LRRC4C: variants seen among roughly 807,000 people sequenced by gnomAD.
LRRC4C encodes leucine-rich repeat-containing protein 4C.
LRRC4C carries 5 observed loss-of-function variants against 33.6 expected under a neutral mutation model. That is an observed-to-expected ratio of 0.15 (90% CI 0.08 to 0.31). The LOEUF (loss-of-function observed/expected upper bound fraction) is 0.31, where lower values mean the gene tolerates loss of function less well. LRRC4C is among the 10% of genes least tolerant of loss of function. The pLI is 1.00. For missense variants in LRRC4C, 560 were observed against 796.7 expected (o/e 0.70, Z 3.58); for synonymous variants, 329 against 302.0 (o/e 1.09, Z -0.93).
intron 1 of LRRC4C, among the ~76,000 whole-genome samples, chr11:41,148,125 CCTGCCT>C (rs1281881988): frequency 3.3e-5 from 5 of 152,084 alleles, no homozygotes; most frequent in African/African-American, 1.2e-4. Context: ...TCCAAACAAT[CCTGCCT>C]CAGCCTCCCA....
At chr11:41,373,140 T>C (rs1952814142) in intron 1 of LRRC4C, among the ~76,000 whole-genome samples, 1 of 152,144 alleles carries the variant, frequency 6.6e-6, no homozygotes, top group Non-Finnish European at 1.5e-5. Context: ...TAGAGTCTAT[T>C]TAGGTCATAA....
intron 1 of LRRC4C, among the ~76,000 whole-genome samples, chr11:41,304,562 G>A (rs1950411793): frequency 8.8e-6 from 1 of 113,604 alleles, no homozygotes; most frequent in Admixed American, 8.3e-5. Flanking sequence ...CGCCCCGTCT[G>A]GGAGGGAGGT....
At chr11:40,850,796 G>A (rs1227804377) in intron 2 of LRRC4C, among the ~76,000 whole-genome samples, 1 of 152,220 alleles carries the variant, frequency 6.6e-6, no homozygotes, top group Non-Finnish European at 1.5e-5. Context: ...CCCTGACTGA[G>A]GCTACTGCCT....
At chr11:41,034,475 GTA>G (rs544312548) in intron 1 of LRRC4C, among the ~76,000 whole-genome samples, 15 of 142,158 alleles carry the variant, frequency 1.1e-4, no homozygotes, top group South Asian at 8.8e-4. Flanking sequence ...ATATATGTGT[GTA>G]TATATATATA....
chr11:41,222,443 C>T (rs1382079916), intron 1 of LRRC4C, among the ~76,000 whole-genome samples: 1 of 152,148 alleles, frequency 6.6e-6, no homozygotes, highest in Admixed American at 6.5e-5. Context: ...TCAAGTCAGA[C>T]ATCTGATAGG....
intron 1 of LRRC4C, among the ~76,000 whole-genome samples, chr11:41,024,292 G>A (rs536675770): frequency 6.6e-6 from 1 of 151,810 alleles, no homozygotes; most frequent in Admixed American, 6.6e-5. Flanking sequence ...CTCAACTCAA[G>A]AAGAATAACC....
chr11:40,725,809 G>T (rs1413610825), intron 2 of LRRC4C, among the ~76,000 whole-genome samples: 2 of 152,096 alleles, frequency 1.3e-5, no homozygotes, highest in East Asian at 1.9e-4. Flanking sequence ...CCTAGCATCA[G>T]CATCTCTTTC....
At chr11:41,302,998 T>C (rs1473109634) in intron 1 of LRRC4C, among the ~76,000 whole-genome samples, 3 of 152,188 alleles carry the variant, frequency 2.0e-5, no homozygotes, top group Non-Finnish European at 2.9e-5. Flanking sequence ...GCAATACTGG[T>C]CCTGTCTTTA....
chr11:40,257,792 C>G (rs768574857), intron 4 of LRRC4C, among the ~76,000 whole-genome samples: 1 of 152,128 alleles, frequency 6.6e-6, no homozygotes, highest in Non-Finnish European at 1.5e-5. Context: ...AGGCTACATA[C>G]AAGCTGAGAA....
At chr11:40,186,476 G>T (rs1027895628) in intron 5 of LRRC4C, among the ~76,000 whole-genome samples, 2 of 152,152 alleles carry the variant, frequency 1.3e-5, no homozygotes, top group East Asian at 3.9e-4. Context: ...ATTGGATATT[G>T]TTGGGGCTGT....
In LRRC4C at chr11:40,402,682, T is replaced by A. The variant is rs191510912; in HGVS notation, c.-269-82961A>T. Among the ~76,000 whole-genome samples, 6 of 152,200 alleles carry A rather than the reference T, an allele frequency of 3.9e-5. No individual in the cohort carries two copies. In the East Asian group the frequency reaches 7.7e-4, roughly 20 times the overall value. ...ATCAATTCAAGACCATTCCAATAAG[T>A]CAGAGAGCTAATGTACATTGAAGGG... On this transcript the variant is annotated intron_variant, in intron 3 of 6. Coordinates refer to ENST00000528697, the MANE Select transcript of LRRC4C (RefSeq NM_001258419.2).
At chr11:40,269,089 T>C (rs1942496499) in intron 4 of LRRC4C, among the ~76,000 whole-genome samples, 1 of 152,208 alleles carries the variant, frequency 6.6e-6, no homozygotes, top group Admixed American at 6.5e-5. Context: ...TTATTTTGAA[T>C]GTATTTAAAA....
At chr11:41,375,826 G>A (rs1405880528) in intron 1 of LRRC4C, among the ~76,000 whole-genome samples, 3 of 151,912 alleles carry the variant, frequency 2.0e-5, no homozygotes. Context: ...CACATCCTAG[G>A]CAGAGAATAA....
intron 2 of LRRC4C, among the ~76,000 whole-genome samples, chr11:40,723,401 A>G (rs957639754): frequency 2.0e-5 from 3 of 152,174 alleles, no homozygotes; most frequent in African/African-American, 7.2e-5. Flanking sequence ...TCAGGCTAAC[A>G]GCAGATTTCT....
chr11:41,158,638 CCAAA>C (rs1297075392), intron 1 of LRRC4C, among the ~76,000 whole-genome samples: 2 of 152,096 alleles, frequency 1.3e-5, no homozygotes, highest in African/African-American at 4.8e-5. Context: ...AAAGTTCACC[CCAAA>C]CAAAAACTAT....
At chr11:41,195,096 A>G (rs190769178) in intron 1 of LRRC4C, among the ~76,000 whole-genome samples, 1 of 152,000 alleles carries the variant, frequency 6.6e-6, no homozygotes, top group East Asian at 1.9e-4. Context: ...CCTGCTTCAG[A>G]CATAGTTTCT....
intron 1 of LRRC4C, among the ~76,000 whole-genome samples, chr11:41,089,888 A>T (rs1343120594): frequency 6.6e-6 from 1 of 152,094 alleles, no homozygotes; most frequent in East Asian, 1.9e-4. Context: ...TATCATAATC[A>T]TGTGATAAAT....
intron 3 of LRRC4C, among the ~76,000 whole-genome samples, chr11:40,357,494 T>C (rs554588314): frequency 2.6e-5 from 4 of 152,288 alleles, no homozygotes; most frequent in Admixed American, 2.0e-4. Context: ...CTCACCCAAA[T>C]GAACAGAGAC....
At chr11:41,080,342 C>CTTTT (rs71060997) in intron 1 of LRRC4C, among the ~76,000 whole-genome samples, 112 of 103,444 alleles carry the variant, frequency 1.1e-3, no homozygotes, top group African/African-American at 1.7e-3. Flanking sequence ...GAGTCTCCTC[C>CTTTT]TTTTTTTTTT....
Sources: allele counts gnomAD v4.1 joint callset (sites outside exome capture counted in the v4.1 genomes callset), GRCh38; gene constraint gnomAD v4.1.1; transcripts MANE v1.5; gene names NCBI Gene and HGNC (gene_info 2026-07-23, HGNC 2026-07-21).